TYW1: variants seen among roughly 807,000 people sequenced by gnomAD.
The protein encoded by TYW1 is S-adenosyl-L-methionine-dependent tRNA 4-demethylwyosine synthase TYW1.
TYW1 carries 46 observed loss-of-function variants against 96.2 expected under a neutral mutation model. The observed-to-expected ratio is 0.48, with a 90% CI of 0.38 to 0.61. The LOEUF (loss-of-function observed/expected upper bound fraction) is 0.61. Ranked by LOEUF, TYW1 falls within the 20% of genes least tolerant of loss-of-function variation. The pLI is 0.00. For synonymous variants in TYW1, 274 were observed against 323.0 expected (o/e 0.85, Z 1.63); for missense variants, 684 against 909.6 (o/e 0.75, Z 3.19).
At chr7:67,081,755 C>T (rs1248450662) in intron 10 of TYW1, among the ~76,000 whole-genome samples, 11 of 149,964 alleles carry the variant, frequency 7.3e-5, no homozygotes, top group Admixed American at 6.1e-4. Context: ...ATCTTCTCCT[C>T]TTCCTCTTCC....
At chr7:67,122,553 C>T (rs1240340819) in intron 13 of TYW1, among the ~76,000 whole-genome samples, 1 of 152,166 alleles carries the variant, frequency 6.6e-6, no homozygotes, top group East Asian at 1.9e-4. Flanking sequence ...CAGTAATTAA[C>T]ATTTGAAGTA....
chr7:67,124,405 T>C (rs1195426671), intron 13 of TYW1, among the ~76,000 whole-genome samples: 1 of 151,162 alleles, frequency 6.6e-6, no homozygotes, highest in East Asian at 1.9e-4. Flanking sequence ...GCTAAAAATA[T>C]TTTTTTTTGA....
At position 67,013,311 on chromosome 7, in the gene TYW1, T is replaced by C. The variant is rs369583564; in HGVS notation, c.376-1056T>C. ...CTAGTTTTTGTATTTTTAGTAGAGA[T>C]GGGGTTTCACTGTGTTGCTTAGGCT... is the stretch of plus-strand genomic sequence containing the variant. On this transcript the variant is annotated intron_variant, in intron 4 of 15. Transcript: ENST00000359626. 7.9e-4 allele frequency among the ~76,000 whole-genome samples: 120 copies of C among 151,716 alleles called. 2 individuals carry two copies. The highest frequency in any genetic ancestry group is 3.3e-3 in the East Asian group (17 of 5,152).
chr7:67,223,049 A>C (rs1801448795), intron 15 of TYW1, among the ~76,000 whole-genome samples: 2 of 151,876 alleles, frequency 1.3e-5, no homozygotes, highest in African/African-American at 4.8e-5. Context: ...TTCTATGCCT[A>C]TTGATATTTC....
chr7:67,114,860 A>G (rs556307562), intron 12 of TYW1, among the ~76,000 whole-genome samples: 1 of 152,264 alleles, frequency 6.6e-6, no homozygotes, highest in South Asian at 2.1e-4. Flanking sequence ...TGAGCTCTGT[A>G]ATTCCTGGGG....
At position 66,997,056 on chromosome 7, in the gene TYW1, G is replaced by A. The variant is rs548365430; in HGVS notation, c.4+74G>A. The A allele has an allele frequency of 1.3e-5, 21 of 1,603,534 alleles. No homozygotes were observed. In the East Asian group the frequency reaches 3.6e-4, roughly 27 times the overall value. ...CGTTTTACTGAGACCCTCTCCGGGC[G>A]GAGTGGCGTCCTCGGTCCCTTTCCT... On this transcript the variant is annotated intron_variant, in intron 1 of 15. Transcript: ENST00000359626.
intron 10 of TYW1, among the ~76,000 whole-genome samples, chr7:67,076,480 A>ATT (rs879917948): frequency 7.1e-6 from 1 of 141,272 alleles, no homozygotes. Context: ...TGGTATGTGA[A>ATT]TTTTTTTTTT....
At chr7:67,130,491 G>A (rs1798035743) in intron 13 of TYW1, among the ~76,000 whole-genome samples, 1 of 151,290 alleles carries the variant, frequency 6.6e-6, no homozygotes, top group Non-Finnish European at 1.5e-5. Context: ...GGCTAACATG[G>A]TGAAACCCCG....
In TYW1 at chr7:67,006,948, CTTTTT is replaced by C. The variant is rs34475001; in HGVS notation, c.274-2610_274-2606del. ...CAAAACAGTAGGGAGAGATGTGAGGCTTTTTTTTTTTTTTTTTTTTTTTTTTTTTA... is the reference window on the plus strand; with the variant it reads ...CAAAACAGTAGGGAGAGATGTGAGGCTTTTTTTTTTTTTTTTTTTTTTTTA... On this transcript the variant is annotated intron_variant, in intron 3 of 15. Transcript: ENST00000359626. Among the ~76,000 whole-genome samples, 156 of 45,134 alleles carry C rather than the reference CTTTTT, an allele frequency of 3.5e-3. 3 individuals carry two copies. The highest frequency in any genetic ancestry group is 0.022 in the Middle Eastern group (1 of 46). 29.6% of individuals were successfully genotyped at this position (45,134 alleles called of 152,430 possible). A position where few individuals can be genotyped will look rare whatever the true frequency, so the allele number is the denominator to read the frequency against.
chr7:67,188,172 TA>T (rs1396130738), intron 14 of TYW1, among the ~76,000 whole-genome samples: 1 of 151,990 alleles, frequency 6.6e-6, no homozygotes, highest in East Asian at 1.9e-4. Flanking sequence ...ATACAAAAAT[TA>T]GCTGGGCGTG....
Position 67,083,415 on chromosome 7 carries a change from G to A in TYW1, c.1275-15G>A. 6.2e-7 allele frequency: 1 copy of A among 1,613,114 alleles called. No individual in the cohort carries two copies. The highest frequency in any genetic ancestry group is 8.5e-7 in the Non-Finnish European group (1 of 1,179,360). On this transcript the variant is annotated splice_polypyrimidine_tract_variant and intron_variant, in intron 10 of 15. Transcript: ENST00000359626. Reference sequence around the variant, plus strand: ...TTACAGAAGGGTCTTTTAGAACTTTGCATCTTGTTCCTAGGCACCACACCA... The same window carrying A: ...TTACAGAAGGGTCTTTTAGAACTTTACATCTTGTTCCTAGGCACCACACCA...
At chr7:67,120,240 C>T (rs1325076902) in intron 13 of TYW1, among the ~76,000 whole-genome samples, 4 of 152,008 alleles carry the variant, frequency 2.6e-5, no homozygotes, top group Non-Finnish European at 5.9e-5. Flanking sequence ...TACCACCATG[C>T]CCGGCTAATT....
intron 13 of TYW1, among the ~76,000 whole-genome samples, chr7:67,153,823 T>C (rs1459481685): frequency 1.3e-5 from 2 of 152,220 alleles, no homozygotes; most frequent in African/African-American, 4.8e-5. Context: ...TGTTTAACAA[T>C]ATGTTTAATG....
intron 13 of TYW1, among the ~76,000 whole-genome samples, chr7:67,150,554 C>G (rs1483673288): frequency 6.6e-6 from 1 of 152,092 alleles, no homozygotes; most frequent in African/African-American, 2.4e-5. Flanking sequence ...CAGTGAAAAC[C>G]CTTCTAAATA....
At chr7:67,197,825 A>G (rs1318522924) in intron 15 of TYW1, among the ~76,000 whole-genome samples, 1 of 151,992 alleles carries the variant, frequency 6.6e-6, no homozygotes, top group Non-Finnish European at 1.5e-5. Context: ...AAAAAGTGCA[A>G]TGATAAAAAT....
At chr7:67,099,680 A>C (rs2115866948) in intron 12 of TYW1, among the ~76,000 whole-genome samples, 1 of 152,302 alleles carries the variant, frequency 6.6e-6, no homozygotes, top group East Asian at 1.9e-4. Flanking sequence ...GGGTGGAAGC[A>C]AGTCAGTGTG....
intron 11 of TYW1, among the ~76,000 whole-genome samples, chr7:67,084,216 TGTTA>T (rs1447124808): frequency 2.0e-5 from 3 of 151,924 alleles, no homozygotes; most frequent in Admixed American, 1.3e-4. Context: ...TCTTAAATAA[TGTTA>T]GTTAGTGATG....
Position 67,036,095 on chromosome 7 carries a change from C to T in TYW1, c.984+11073C>T, listed in dbSNP as rs779870059. Among the ~76,000 whole-genome samples, 44 of 143,526 alleles carry T rather than the reference C, an allele frequency of 3.1e-4. 1 individual carries two copies. Among genetic ancestry groups the T allele is most frequent in the East Asian group, 7.9e-4 (4 of 5,046 alleles). The allele number at this position is 143,526 out of a possible 152,430, so 94.2% of individuals were successfully genotyped here. On this transcript the variant is annotated intron_variant, in intron 7 of 15. Transcript: ENST00000359626. ...AGTCTTTAATGCTGTCGCGCTGCATCGACAACTCACACACTTTGGTGTCAT... is the reference window on the plus strand; with the variant it reads ...AGTCTTTAATGCTGTCGCGCTGCATTGACAACTCACACACTTTGGTGTCAT...
At chr7:67,020,499 A>C (rs1305122581) in intron 6 of TYW1, among the ~76,000 whole-genome samples, 1 of 152,256 alleles carries the variant, frequency 6.6e-6, no homozygotes, top group South Asian at 2.1e-4. Flanking sequence ...CGGCCTCCCA[A>C]AGTGCTGGGA....
Sources: gnomAD v4.1 joint callset for allele counts (sites outside exome capture counted in the v4.1 genomes callset) on GRCh38, gnomAD v4.1.1 for gene constraint, MANE v1.5 for transcripts, NCBI Gene and HGNC (gene_info 2026-07-23, HGNC 2026-07-21) for gene names.